HAVCR2: variants seen among roughly 807,000 people sequenced by gnomAD.
HAVCR2 encodes the protein T cell immunoglobulin mucin 3.
HAVCR2 carries 13 observed loss-of-function variants against 24.7 expected under a neutral mutation model. That is an observed-to-expected ratio of 0.53 (90% CI 0.34 to 0.84). The LOEUF (loss-of-function observed/expected upper bound fraction) is 0.84, where lower values mean the gene tolerates loss of function less well. Among genes scored for constraint, HAVCR2 ranks in the 40% least tolerant of loss-of-function variants. HAVCR2 has a pLI of 0.01. For missense variants in HAVCR2, 343 were observed against 371.2 expected (o/e 0.92, Z 0.62); for synonymous variants, 154 against 143.4 (o/e 1.07, Z -0.53).
intron 4 of HAVCR2, 58 bp from the exon 5 acceptor site, chr5:157,095,517 A>G: frequency 1.3e-6 from 2 of 1,593,456 alleles, no homozygotes; most frequent in Admixed American, 3.4e-5. Flanking sequence ...TTGTGTAATC[A>G]GCTTCAAGAT....
At position 157,095,281 on chromosome 5, in the gene HAVCR2, G is replaced by A. The variant is rs753941473; in HGVS notation, c.676+25C>T. 3.7e-6 allele frequency: 6 copies of A among 1,611,132 alleles called. No individual in the cohort carries two copies. The South Asian group carries it at 6.6e-5, about 18-fold the overall frequency. ...TCTCACTGAAGAATTTGTTATCAGA[G>A]GGAGAGAGAAACAAAAACACTTACA... is the stretch of plus-strand genomic sequence containing the variant. On this transcript the variant is annotated intron_variant, in intron 5 of 6. Coordinates refer to ENST00000307851, the MANE Select transcript of HAVCR2 (RefSeq NM_032782.5).
Position 157,104,896 on chromosome 5 carries a change from C to T in HAVCR2, c.395-147G>A, listed in dbSNP as rs142445765. 8.1e-4 allele frequency: 446 copies of T among 550,522 alleles called. 2 individuals are homozygous for T. Among genetic ancestry groups the T allele is most frequent in the African/African-American group, 6.7e-3 (357 of 52,960 alleles). The allele number at this position is 550,522 out of a possible 1,614,324, so 34.1% of individuals were successfully genotyped here. A position where few individuals can be genotyped will look rare whatever the true frequency, so the allele number is the denominator to read the frequency against. On this transcript the variant is annotated intron_variant, in intron 2 of 6. Transcript: ENST00000307851. The stretch of plus-strand genomic sequence containing the variant: ...GCTTCCAAACCTGCCTGGATACCTA[C>T]GTTGAGAGTGTATCACACACTTCAA...
At chr5:157,093,148 C>A (rs1345891055) in intron 5 of HAVCR2, among the ~76,000 whole-genome samples, 1 of 150,268 alleles carries the variant, frequency 6.7e-6, no homozygotes, top group Admixed American at 6.7e-5. Context: ...TCAAAAATTC[C>A]ATGGCTATCT....
intron 6 of HAVCR2, among the ~76,000 whole-genome samples, chr5:157,088,035 G>A (rs1339691406): frequency 6.6e-6 from 1 of 152,020 alleles, no homozygotes; most frequent in Non-Finnish European, 1.5e-5. Context: ...ATGGCTCATT[G>A]CAGCCTTCAT....
At chr5:157,102,934 CAAAAA>C (rs34491013) in intron 3 of HAVCR2, among the ~76,000 whole-genome samples, 3 of 119,410 alleles carry the variant, frequency 2.5e-5, no homozygotes, top group African/African-American at 6.4e-5. Context: ...GACTCCGTCT[CAAAAA>C]AAAAAAAAAA....
chr5:157,097,791 T>C (rs1757112406), intron 4 of HAVCR2, among the ~76,000 whole-genome samples: 2 of 151,350 alleles, frequency 1.3e-5, no homozygotes, highest in Non-Finnish European at 2.9e-5. Flanking sequence ...TTAGTAGAGA[T>C]GGGGTTTCAC....
chr5:157,100,926 T>C (rs541138410), intron 3 of HAVCR2, among the ~76,000 whole-genome samples: 1 of 152,090 alleles, frequency 6.6e-6, no homozygotes, highest in South Asian at 2.1e-4. Context: ...TGAAACCCCA[T>C]CTCTACTAAA....
chr5:157,101,511 C>T (rs1581761114), intron 3 of HAVCR2, among the ~76,000 whole-genome samples: 1 of 152,346 alleles, frequency 6.6e-6, no homozygotes, highest in East Asian at 1.9e-4. Flanking sequence ...TACATACAAT[C>T]TCATTTAATC....
At chr5:157,102,581 G>A (rs969413238) in intron 3 of HAVCR2, among the ~76,000 whole-genome samples, 4 of 151,952 alleles carry the variant, frequency 2.6e-5, no homozygotes, top group African/African-American at 7.3e-5. Context: ...TCAGAGGTTC[G>A]AGGTATTATT....
rs114377183 is a variant in HAVCR2, at chr5:157,108,806, T to C, written c.58+120A>G. On this transcript the variant is annotated intron_variant, in intron 1 of 6. Transcript: ENST00000307851. ...TTACCCACTCCCTCATCGACGGACA[T>C]TTAGGTTGCTTCCAAGCTTTTGCTA... 1.4e-3 allele frequency: 1,135 copies of C among 799,250 alleles called. 11 individuals are homozygous for C. In the African/African-American group the frequency reaches 0.017, roughly 12 times the overall value. The allele number at this position is 799,250 out of a possible 1,614,324, so 49.5% of individuals were successfully genotyped here.
intron 1 of HAVCR2, among the ~76,000 whole-genome samples, chr5:157,107,858 T>TCA (rs1757273702): frequency 8.0e-6 from 1 of 124,822 alleles, no homozygotes; most frequent in Admixed American, 8.1e-5. Context: ...ATTTTTCCTC[T>TCA]GCCCCCCCCC....
In HAVCR2 at chr5:157,106,825, C is replaced by T. The variant is rs770877887; in HGVS notation, c.196G>A (p.Val66Met). 6.2e-6 allele frequency: 10 copies of T among 1,614,198 alleles called. No homozygotes were observed. In the Admixed American group the frequency reaches 8.3e-5, roughly 13 times the overall value. ...GACPVFECGN[V>M]VLRTDERDVN... is the part of the protein sequence containing the mutation. Reference sequence around the variant, plus strand: ...TCCCTTTCATCAGTCCTGAGCACCACGTTGCCACATTCAAACACAGGACAG... The same window carrying T: ...TCCCTTTCATCAGTCCTGAGCACCATGTTGCCACATTCAAACACAGGACAG... The change falls in exon 2 of 7, where the codon GTG (valine) becomes ATG (methionine). Residue 66 changes from valine to methionine, a missense_variant. Transcript: ENST00000307851.
intron 5 of HAVCR2, among the ~76,000 whole-genome samples, chr5:157,092,916 A>AAAAAAAAAAAAC (rs1281211069): frequency 8.4e-6 from 1 of 118,866 alleles, no homozygotes; most frequent in Non-Finnish European, 1.7e-5. Flanking sequence ...AAAAAAAAAA[A>AAAAAAAAAAAAC]AACTAGCCAG....
intron 3 of HAVCR2, among the ~76,000 whole-genome samples, chr5:157,101,821 T>C (rs1255086966): frequency 4.0e-5 from 6 of 151,564 alleles, no homozygotes; most frequent in Non-Finnish European, 8.8e-5. Flanking sequence ...TTGCCCAGGT[T>C]TGGAGTACAG....
At chr5:157,100,552 G>T (rs1221741841) in intron 3 of HAVCR2, among the ~76,000 whole-genome samples, 2 of 152,180 alleles carry the variant, frequency 1.3e-5, no homozygotes, top group Admixed American at 1.3e-4. Flanking sequence ...CTAAAAATAA[G>T]TACATTGCCA....
Position 157,098,091 on chromosome 5 carries a change from G to A in HAVCR2, c.522+767C>T, listed in dbSNP as rs1005937779. ...GTTCAAGACCAGCCTGACCAACATG[G>A]AGAAACCCTGTCTCTACTAAAAATA... is the stretch of plus-strand genomic sequence containing the variant. On this transcript the variant is annotated intron_variant, in intron 4 of 6. Coordinates refer to ENST00000307851, the MANE Select transcript of HAVCR2 (RefSeq NM_032782.5). Among the ~76,000 whole-genome samples the A allele has an allele frequency of 5.3e-5, 8 of 151,914 alleles. 2 individuals are homozygous for A. The highest frequency in any genetic ancestry group is 2.0e-4 in the Admixed American group (3 of 15,262).
At chr5:157,104,800 T>C in intron 2 of HAVCR2, 51 bp from the exon 3 acceptor site, 1 of 1,312,346 alleles carries the variant, frequency 7.6e-7, no homozygotes, top group Non-Finnish European at 1.1e-6. Flanking sequence ...GCAGAAAGCT[T>C]ATTTCAGGGA....
At chr5:157,097,345 A>C (rs113035468) in intron 4 of HAVCR2, among the ~76,000 whole-genome samples, 15,549 of 149,114 alleles carry the variant, frequency 0.1, 1,014 homozygotes, top group Admixed American at 0.18. Flanking sequence ...GCCTCAACCT[A>C]CTGGGCTCAA....
rs80127314 is a variant in HAVCR2, at chr5:157,096,891, G to C, written c.523-1432C>G. On this transcript the variant is annotated intron_variant, in intron 4 of 6. Coordinates refer to ENST00000307851, the MANE Select transcript of HAVCR2 (RefSeq NM_032782.5). The stretch of plus-strand genomic sequence containing the variant: ...GGATCACTTGAGACCAGGAGTTAGG[G>C]ACCAGCCTAATAATATTGAGACCCC... Among the ~76,000 whole-genome samples, 806 of 151,444 alleles carry C rather than the reference G, an allele frequency of 5.3e-3. 10 individuals carry two copies. The highest frequency in any genetic ancestry group is 0.019 in the African/African-American group (770 of 41,236).
Sources: gnomAD v4.1 joint callset for allele counts (sites outside exome capture counted in the v4.1 genomes callset) on GRCh38, gnomAD v4.1.1 for gene constraint, MANE v1.5 for transcripts, NCBI Gene and HGNC (gene_info 2026-07-23, HGNC 2026-07-21) for gene names.